The following NECTIN3 variants were observed in gnomAD, a reference collection of about 807,000 sequenced individuals.
NECTIN3 encodes nectin cell adhesion molecule 3.
NECTIN3 carries 8 observed loss-of-function variants against 49.4 expected under a neutral mutation model. The ratio of observed to expected loss-of-function variants is 0.16; its 90% CI spans 0.10 to 0.29. The LOEUF (loss-of-function observed/expected upper bound fraction) is 0.29, where lower values mean the gene tolerates loss of function less well. NECTIN3 is among the 10% of genes least tolerant of loss of function. NECTIN3 has a pLI of 1.00. For missense variants in NECTIN3, 581 were observed against 654.6 expected (o/e 0.89, Z 1.23); for synonymous variants, 277 against 241.1 (o/e 1.15, Z -1.38).
chr3:111,192,335 T>TTG, upstream of NECTIN3: 1 of 1,534,568 alleles, frequency 6.5e-7, no homozygotes, highest in East Asian at 2.4e-5. Context: ...GCACATCTTT[T>TTG]TGTGTTTTCT....
At chr3:111,189,478 A>C (rs533858921), upstream of NECTIN3, among the ~76,000 whole-genome samples, 2 of 152,210 alleles carry the variant, frequency 1.3e-5, no homozygotes, top group South Asian at 4.1e-4. Flanking sequence ...AAAATGGATT[A>C]ACTCTTCTCA....
Position 111,147,352 on chromosome 3 carries a change from T to A in NECTIN3, c.1140-51T>A, listed in dbSNP as rs539428273. ...GAGAACCTTGATTTTCTTTTGCTTT[T>A]TTTTTTTTTCCTAAATGTGACAATC... On this transcript the variant is annotated intron_variant, in intron 6 of 8. Coordinates refer to the NECTIN3 transcript ENST00000493615. The A allele has an allele frequency of 4.5e-6, 6 of 1,338,468 alleles. No individual in the cohort carries two copies. The East Asian group carries it at 1.3e-4, about 28-fold the overall frequency. 82.9% of individuals were successfully genotyped at this position (1,338,468 alleles called of 1,614,324 possible).
At chr3:111,080,508 T>A (rs2031524752) in intron 1 of NECTIN3, among the ~76,000 whole-genome samples, 1 of 152,190 alleles carries the variant, frequency 6.6e-6, no homozygotes, top group Admixed American at 6.5e-5. Context: ...ACTGTTGCTT[T>A]GCTGCCCTCT....
chr3:111,115,114 C>A (rs567762497), intron 2 of NECTIN3, among the ~76,000 whole-genome samples: 1 of 152,132 alleles, frequency 6.6e-6, no homozygotes, highest in Non-Finnish European at 1.5e-5. Context: ...AAACACTATG[C>A]CAGTAAATGC....
chr3:111,187,819 A>G (rs2035748573), upstream of NECTIN3, among the ~76,000 whole-genome samples: 1 of 152,132 alleles, frequency 6.6e-6, no homozygotes, highest in Non-Finnish European at 1.5e-5. Flanking sequence ...AACACAGGAG[A>G]TTTTCAGGCC....
intron 7 of NECTIN3, among the ~76,000 whole-genome samples, chr3:111,175,455 G>A (rs2035510661): frequency 6.6e-6 from 1 of 151,786 alleles, no homozygotes; most frequent in Non-Finnish European, 1.5e-5. Flanking sequence ...TCCCACTTGT[G>A]TTCAAATTGC....
At chr3:111,089,784 G>T (rs1274672341) in intron 1 of NECTIN3, among the ~76,000 whole-genome samples, 2 of 151,950 alleles carry the variant, frequency 1.3e-5, no homozygotes, top group East Asian at 3.9e-4. Context: ...GATCGAGTTG[G>T]TTGCATTGTT....
rs553536004 is a variant in NECTIN3, at chr3:111,135,160, A to G, written c.*945A>G. On this transcript the variant is annotated 3_prime_UTR_variant, in exon 6 of 6. Coordinates refer to ENST00000485303, the MANE Select transcript of NECTIN3 (RefSeq NM_015480.3). ...ATCTATAGAAAGAATTTTATGGACC[A>G]TCTTGTTTTAGTTATTTAATGTTGA... 6.5e-5 allele frequency: 64 copies of G among 982,490 alleles called. No homozygotes were observed. In the South Asian group the frequency reaches 1.6e-3, roughly 25 times the overall value. 60.9% of individuals were successfully genotyped at this position (982,490 alleles called of 1,614,324 possible). A position where few individuals can be genotyped will look rare whatever the true frequency, so the allele number is the denominator to read the frequency against.
intron 5 of NECTIN3, among the ~76,000 whole-genome samples, chr3:111,129,942 G>A (rs1315388450): frequency 1.3e-5 from 2 of 150,024 alleles, no homozygotes; most frequent in South Asian, 4.2e-4. Flanking sequence ...GAGCCACTGC[G>A]CCCAGCAGAG....
chr3:111,084,305 A>T (rs1245069106), intron 1 of NECTIN3, among the ~76,000 whole-genome samples: 1 of 152,086 alleles, frequency 6.6e-6, no homozygotes, highest in Admixed American at 6.6e-5. Context: ...GGAATAAGAC[A>T]TCAACTAAGA....
chr3:111,097,725 C>A (rs957146887), intron 1 of NECTIN3, among the ~76,000 whole-genome samples: 2 of 152,138 alleles, frequency 1.3e-5, no homozygotes, highest in African/African-American at 4.8e-5. Flanking sequence ...TGACTTTTCT[C>A]CTTGCCTTCC....
intron 7 of NECTIN3, among the ~76,000 whole-genome samples, chr3:111,171,741 A>T (rs1454818690): frequency 6.6e-6 from 1 of 152,070 alleles, no homozygotes; most frequent in Admixed American, 6.5e-5. Flanking sequence ...CAGTTCAAAG[A>T]TACACATGTC....
intron 1 of NECTIN3, among the ~76,000 whole-genome samples, chr3:111,084,501 T>G (rs2031814358): frequency 6.6e-6 from 1 of 152,172 alleles, no homozygotes; most frequent in African/African-American, 2.4e-5. Context: ...CAAAATGTGT[T>G]CTGGGAACCA....
intron 3 of NECTIN3, among the ~76,000 whole-genome samples, chr3:111,121,651 T>C (rs1406388714): frequency 6.6e-6 from 1 of 152,198 alleles, no homozygotes; most frequent in Non-Finnish European, 1.5e-5. Flanking sequence ...TCACTGTAAT[T>C]GACCTGATAC....
In NECTIN3 at chr3:111,071,936, C is replaced by T; in HGVS notation, c.-82C>T. On this transcript the variant is annotated 5_prime_UTR_variant, in exon 1 of 6. Coordinates refer to ENST00000485303, the MANE Select transcript of NECTIN3 (RefSeq NM_015480.3). ...GGGGACGCGCGCGCCGGACCTTCCA[C>T]AGCCTCCGCCCAGAGCCTGAGGCGC... 9.6e-7 allele frequency: 1 copy of T among 1,044,422 alleles called. No individual in the cohort carries two copies. Among genetic ancestry groups the T allele is most frequent in the Non-Finnish European group, 1.3e-6 (1 of 789,584 alleles). 64.7% of individuals were successfully genotyped at this position (1,044,422 alleles called of 1,614,324 possible).
rs188398619 is a variant in NECTIN3 at position 111,158,742 on chromosome 3, G to C, written c.1221+11258G>C. Among the ~76,000 whole-genome samples, 47 of 152,080 alleles carry C rather than the reference G, an allele frequency of 3.1e-4. No individual in the cohort carries two copies. In the East Asian group the frequency reaches 8.5e-3, roughly 27 times the overall value. On this transcript the variant is annotated intron_variant, in intron 7 of 8. Transcript: ENST00000493615. ...AGAACATAAAAGCATAAAACATAAAGTGATAAGTCAGACTTCATTAAAAAC... is the reference window on the plus strand; with the variant it reads ...AGAACATAAAAGCATAAAACATAAACTGATAAGTCAGACTTCATTAAAAAC...
chr3:111,149,230 C>T (rs1431542246), intron 7 of NECTIN3, among the ~76,000 whole-genome samples: 1 of 152,050 alleles, frequency 6.6e-6, no homozygotes. Context: ...ACTGCTGTTT[C>T]AATTACTATT....
intron 7 of NECTIN3, among the ~76,000 whole-genome samples, chr3:111,184,369 C>A (rs975171213): frequency 6.6e-6 from 1 of 152,176 alleles, no homozygotes; most frequent in African/African-American, 2.4e-5. Flanking sequence ...TAATCACCTT[C>A]TACCTTCATT....
chr3:111,167,585 C>T (rs757300337), intron 7 of NECTIN3, among the ~76,000 whole-genome samples: 8 of 151,992 alleles, frequency 5.3e-5, no homozygotes, highest in Non-Finnish European at 7.4e-5. Context: ...ATTGTAGATA[C>T]GACTTAGAGT....
Sources: gnomAD v4.1 joint callset for allele counts (sites outside exome capture counted in the v4.1 genomes callset) on GRCh38, gnomAD v4.1.1 for gene constraint, MANE v1.5 for transcripts, NCBI Gene and HGNC (gene_info 2026-07-23, HGNC 2026-07-21) for gene names.